AMZ2: variants seen among roughly 807,000 people sequenced by gnomAD.
AMZ2 encodes the protein archaelysin family metallopeptidase 2.
AMZ2 carries 26 observed loss-of-function variants against 36.7 expected under a neutral mutation model. That is an observed-to-expected ratio of 0.71 (90% CI 0.52 to 0.98). The LOEUF (loss-of-function observed/expected upper bound fraction) is 0.98, where lower values mean the gene tolerates loss of function less well. Among genes scored for constraint, AMZ2 ranks in the 50% least tolerant of loss-of-function variants. AMZ2 has a pLI of 0.00. For synonymous variants in AMZ2, 144 were observed against 149.1 expected (o/e 0.97, Z 0.25); for missense variants, 394 against 430.5 (o/e 0.92, Z 0.75).
At chr17:68,232,366 T>C (rs1292391513) in intron 1 of AMZ2, among the ~76,000 whole-genome samples, 1 of 151,394 alleles carries the variant, frequency 6.6e-6, no homozygotes, top group East Asian at 1.9e-4. Context: ...TGTGGTGGCC[T>C]GCATCTCTAG....
intron 1 of AMZ2, chr17:68,206,457 C>T: frequency 1.3e-5 from 3 of 231,352 alleles, no homozygotes; most frequent in Non-Finnish European, 7.8e-6. Flanking sequence ...TTGCAGTTTG[C>T]AGGCTACACT....
chr17:68,245,245 ATTTG>A (rs1199849254), upstream of AMZ2, among the ~76,000 whole-genome samples: 34 of 149,024 alleles, frequency 2.3e-4, no homozygotes, highest in African/African-American at 7.8e-4. Context: ...TAAGGTGTTT[ATTTG>A]TTTATTTTTT....
upstream of AMZ2, among the ~76,000 whole-genome samples, chr17:68,244,889 G>A (rs371285932): frequency 6.6e-5 from 10 of 152,018 alleles, no homozygotes; most frequent in African/African-American, 1.9e-4. Flanking sequence ...TGGACCATTC[G>A]GGTTATATGG....
intron 1 of AMZ2, among the ~76,000 whole-genome samples, chr17:68,211,670 T>C (rs1555725921): frequency 6.9e-6 from 1 of 145,316 alleles, no homozygotes; most frequent in East Asian, 2.0e-4. Flanking sequence ...GTATGAAGAA[T>C]TGGGAAAACA....
chr17:68,210,907 C>T (rs1329006738), intron 1 of AMZ2, among the ~76,000 whole-genome samples: 2 of 140,356 alleles, frequency 1.4e-5, no homozygotes, highest in Non-Finnish European at 3.0e-5. Flanking sequence ...TGTGTTTACA[C>T]CATTGCACTC....
chr17:68,228,304 G>C (rs1478197846), intron 1 of AMZ2, among the ~76,000 whole-genome samples: 6 of 152,106 alleles, frequency 3.9e-5, no homozygotes, highest in Non-Finnish European at 8.8e-5. Flanking sequence ...CTGACCAAAA[G>C]GGAAACTTCT....
In AMZ2 at chr17:68,248,554, G is replaced by A. The variant is rs768839836; in HGVS notation, c.-152G>A. On this transcript the variant is annotated 5_prime_UTR_variant, in exon 1 of 7. Transcript: ENST00000359904. ...TTCTCCCGCAGCTTCCCTAGATTAG[G>A]CTTGGGAGGCAAGAGGAGGCCTCCT... 9.0e-5 allele frequency: 89 copies of A among 985,960 alleles called. No individual in the cohort carries two copies. Among genetic ancestry groups the A allele is most frequent in the Non-Finnish European group, 1.1e-4 (89 of 830,076 alleles). 61.1% of individuals were successfully genotyped at this position (985,960 alleles called of 1,614,324 possible).
chr17:68,210,570 C>A (rs1373953329), intron 1 of AMZ2, among the ~76,000 whole-genome samples: 1 of 152,086 alleles, frequency 6.6e-6, no homozygotes, highest in Non-Finnish European at 1.5e-5. Context: ...GTACGAGTTT[C>A]CATTTGGGAA....
At chr17:68,207,665 G>A (rs1410453610) in intron 1 of AMZ2, among the ~76,000 whole-genome samples, 5 of 152,210 alleles carry the variant, frequency 3.3e-5, no homozygotes, top group Non-Finnish European at 5.9e-5. Flanking sequence ...ACCTACGTAG[G>A]TTGTCCTAAT....
At chr17:68,255,272 C>T (rs1555742089) in intron 5 of AMZ2, among the ~76,000 whole-genome samples, 1 of 152,066 alleles carries the variant, frequency 6.6e-6, no homozygotes, top group South Asian at 2.1e-4. Flanking sequence ...ATCAGAATTA[C>T]AACAAGTACC....
intron 1 of AMZ2, among the ~76,000 whole-genome samples, chr17:68,215,015 C>T (rs1356668912): frequency 2.0e-5 from 3 of 152,186 alleles, no homozygotes; most frequent in Non-Finnish European, 2.9e-5. Flanking sequence ...AACTTGTGAG[C>T]TCAAGCCATC....
chr17:68,226,513 A>G (rs1477607151), intron 1 of AMZ2, among the ~76,000 whole-genome samples: 1 of 152,130 alleles, frequency 6.6e-6, no homozygotes, highest in Admixed American at 6.5e-5. Flanking sequence ...TGATGGATTC[A>G]ATAGTTTGCC....
chr17:68,245,928 C>T (rs1555735195), upstream of AMZ2, among the ~76,000 whole-genome samples: 1 of 152,040 alleles, frequency 6.6e-6, no homozygotes, highest in Non-Finnish European at 1.5e-5. Flanking sequence ...CTAAAGAAGC[C>T]ACTCAGGATG....
At chr17:68,248,003 T>C (rs114924467), upstream of AMZ2, 3 of 985,664 alleles carry the variant, frequency 3.0e-6, no homozygotes, top group South Asian at 4.7e-5. Context: ...GCGCGGCGCG[T>C]GGCGTAAGGG....
chr17:68,212,681 C>G (rs2073098244), intron 1 of AMZ2, among the ~76,000 whole-genome samples: 1 of 151,902 alleles, frequency 6.6e-6, no homozygotes, highest in African/African-American at 2.4e-5. Flanking sequence ...ATACTCCCAC[C>G]TCAGCCTACC....
chr17:68,222,863 C>G (rs113208864), intron 1 of AMZ2, among the ~76,000 whole-genome samples: 1,654 of 152,256 alleles, frequency 0.011, 32 homozygotes, highest in African/African-American at 0.038. Flanking sequence ...TGGCCCAGTT[C>G]CTAACAAACT....
At chr17:68,254,812 C>T (rs1176428364) in intron 5 of AMZ2, among the ~76,000 whole-genome samples, 2 of 152,138 alleles carry the variant, frequency 1.3e-5, no homozygotes, top group Non-Finnish European at 2.9e-5. Flanking sequence ...TACCCATGTG[C>T]TATTAGTGTA....
At chr17:68,254,790 C>T (rs1555741895) in intron 5 of AMZ2, among the ~76,000 whole-genome samples, 1 of 152,230 alleles carries the variant, frequency 6.6e-6, no homozygotes. Flanking sequence ...CTACTAGTTA[C>T]AGCCTTGGCT....
chr17:68,255,429 G>A (rs782254699), intron 5 of AMZ2, among the ~76,000 whole-genome samples: 1 of 152,148 alleles, frequency 6.6e-6, no homozygotes, highest in Non-Finnish European at 1.5e-5. Flanking sequence ...GCAAAGCATC[G>A]CACAGTGCAC....
Sources: allele counts gnomAD v4.1 joint callset (sites outside exome capture counted in the v4.1 genomes callset), GRCh38; gene constraint gnomAD v4.1.1; transcripts MANE v1.5; gene names NCBI Gene and HGNC (gene_info 2026-07-23, HGNC 2026-07-21).